The following CCDC73 variants were observed in gnomAD, a reference collection of about 807,000 sequenced individuals.
The protein encoded by CCDC73 is coiled-coil domain-containing protein 73.
A neutral mutation model predicts 116.5 loss-of-function variants in CCDC73; 95 were observed. The observed-to-expected ratio is 0.82, with a 90% CI of 0.69 to 0.97. The LOEUF (loss-of-function observed/expected upper bound fraction) is 0.97. Among genes scored for constraint, CCDC73 ranks in the 50% least tolerant of loss-of-function variants. CCDC73 has a pLI of 0.00. For missense variants in CCDC73, 1,066 were observed against 1,206.8 expected (o/e 0.88, Z 1.73); for synonymous variants, 398 against 401.3 (o/e 0.99, Z 0.10).
chr11:32,632,925 A>C (rs1315900070), intron 14 of CCDC73, among the ~76,000 whole-genome samples: 3 of 152,228 alleles, frequency 2.0e-5, no homozygotes, highest in Non-Finnish European at 4.4e-5. Flanking sequence ...AAGCTTAAGC[A>C]GCTAGAAGAA....
At chr11:32,717,924 C>A (rs1849959516) in intron 3 of CCDC73, 152 bp downstream of exon 3, 1 of 519,766 alleles carries the variant, frequency 1.9e-6, no homozygotes, top group Non-Finnish European at 3.3e-6. Context: ...ACCATTAGAT[C>A]TCATGAGAAC....
intron 12 of CCDC73, among the ~76,000 whole-genome samples, chr11:32,644,417 G>A (rs556205508): frequency 2.0e-5 from 3 of 151,810 alleles, no homozygotes; most frequent in Admixed American, 1.3e-4. Context: ...CCAAACCTAT[G>A]TGAGACTCAA....
chr11:32,653,921 C>A, intron 11 of CCDC73, 57 bp downstream of exon 11: 1 of 1,553,430 alleles, frequency 6.4e-7, no homozygotes, highest in East Asian at 2.3e-5. Flanking sequence ...TTATTTTTTA[C>A]ATTTTATCTG....
intron 12 of CCDC73, among the ~76,000 whole-genome samples, chr11:32,648,988 C>A (rs956537654): frequency 3.9e-5 from 6 of 152,174 alleles, no homozygotes; most frequent in African/African-American, 1.4e-4. Context: ...TTTGTTAGAT[C>A]AGCTACACTA....
rs149728675 is a variant in CCDC73, at chr11:32,715,557, A to C, written c.207+2519T>G. ...CACCTACATGCCATCATGACTCTTCATCAAGCAGCATAAATCTTGATTGAT... is the reference window on the plus strand; with the variant it reads ...CACCTACATGCCATCATGACTCTTCCTCAAGCAGCATAAATCTTGATTGAT... On this transcript the variant is annotated intron_variant, in intron 3 of 17. Coordinates refer to ENST00000335185, the MANE Select transcript of CCDC73 (RefSeq NM_001008391.4). Among the ~76,000 whole-genome samples the C allele has an allele frequency of 7.2e-5, 11 of 152,116 alleles. 1 individual carries two copies. In the East Asian group the frequency reaches 1.9e-3, roughly 27 times the overall value.
At chr11:32,740,352 C>T (rs1330224457) in intron 2 of CCDC73, among the ~76,000 whole-genome samples, 1 of 151,900 alleles carries the variant, frequency 6.6e-6, no homozygotes, top group South Asian at 2.1e-4. Flanking sequence ...ATACTTTTTA[C>T]TACAGCTTCT....
intron 9 of CCDC73, among the ~76,000 whole-genome samples, chr11:32,658,797 C>T (rs1590574298): frequency 6.6e-6 from 1 of 151,524 alleles, no homozygotes; most frequent in African/African-American, 2.4e-5. Context: ...ATATAATAGA[C>T]TGAACAAAGA....
chr11:32,815,338 C>CT, the CCDC73 span, among the ~76,000 whole-genome samples: 4,879 of 140,684 alleles, frequency 0.035, 238 homozygotes, highest in African/African-American at 0.11. Context: ...ATTATTTTTG[C>CT]TTTTTTTTTT....
intron 1 of CCDC73, among the ~76,000 whole-genome samples, chr11:32,768,852 TAAAA>T: frequency 6.6e-6 from 1 of 151,722 alleles, no homozygotes; most frequent in Non-Finnish European, 1.5e-5. Flanking sequence ...CTCAAAAAAA[TAAAA>T]GAAAGAAAAG....
intron 12 of CCDC73, among the ~76,000 whole-genome samples, chr11:32,648,754 T>C (rs1738920431): frequency 6.6e-6 from 1 of 152,222 alleles, no homozygotes; most frequent in Admixed American, 6.5e-5. Flanking sequence ...TTTCACCATG[T>C]TGGTCAGGCT....
intron 2 of CCDC73, among the ~76,000 whole-genome samples, chr11:32,746,960 T>C (rs1850244603): frequency 6.6e-6 from 1 of 152,216 alleles, no homozygotes; most frequent in South Asian, 2.1e-4. Flanking sequence ...TCCAGTTTTT[T>C]TCCCTTGCTG....
chr11:32,656,369 G>T (rs1039612172), intron 9 of CCDC73, among the ~76,000 whole-genome samples: 1 of 151,936 alleles, frequency 6.6e-6, no homozygotes, highest in Admixed American at 6.6e-5. Flanking sequence ...GTGAGCCACC[G>T]CGCCCGGCCA....
chr11:32,745,926 T>C (rs892192003), intron 2 of CCDC73, among the ~76,000 whole-genome samples: 3 of 152,162 alleles, frequency 2.0e-5, no homozygotes, highest in African/African-American at 7.2e-5. Context: ...CCCATTTACA[T>C]TTAAGGTTAA....
chr11:32,648,097 G>A (rs1855794391), intron 12 of CCDC73, among the ~76,000 whole-genome samples: 1 of 152,164 alleles, frequency 6.6e-6, no homozygotes. Flanking sequence ...TGGGCAGGGT[G>A]GGAAAGAAAA....
upstream of CCDC73, among the ~76,000 whole-genome samples, chr11:32,796,106 T>C (rs1002213329): frequency 2.0e-5 from 3 of 152,204 alleles, no homozygotes; most frequent in Admixed American, 2.0e-4. Flanking sequence ...AAAGCATTCC[T>C]AACTACCCCA....
At chr11:32,733,768 C>T (rs56246854) in intron 2 of CCDC73, among the ~76,000 whole-genome samples, 30,016 of 152,060 alleles carry the variant, frequency 0.2, 4,061 homozygotes, top group East Asian at 0.66. Flanking sequence ...ACATTTAAAG[C>T]AGTGTGTAGA....
intron 14 of CCDC73, among the ~76,000 whole-genome samples, chr11:32,628,198 AG>A (rs1436277973): frequency 6.6e-6 from 1 of 152,196 alleles, no homozygotes; most frequent in Non-Finnish European, 1.5e-5. Flanking sequence ...TCTGAGAGAA[AG>A]AGGAAAAAGT....
chr11:32,658,464 G>A (rs998985551), intron 9 of CCDC73, among the ~76,000 whole-genome samples: 1 of 152,152 alleles, frequency 6.6e-6, no homozygotes, highest in African/African-American at 2.4e-5. Context: ...TTGTTAAGAA[G>A]CAATAACAAA....
rs1856168725 is a variant in CCDC73 at position 32,683,677 on chromosome 11, T to C, written c.391-103A>G. 9 of 654,526 alleles carry C rather than the reference T, an allele frequency of 1.4e-5. No individual in the cohort carries two copies. The South Asian group carries it at 1.6e-4, about 12-fold the overall frequency. The allele number at this position is 654,526 out of a possible 1,614,324, so 40.5% of individuals were successfully genotyped here. ...GCTATAAAATGTGGCATGTATCTTC[T>C]ATGTACCATTATTGATTTATTCAAC... On this transcript the variant is annotated intron_variant, in intron 6 of 17. Coordinates refer to ENST00000335185, the MANE Select transcript of CCDC73 (RefSeq NM_001008391.4).
Sources: gnomAD v4.1 joint callset for allele counts (sites outside exome capture counted in the v4.1 genomes callset) on GRCh38, gnomAD v4.1.1 for gene constraint, MANE v1.5 for transcripts, NCBI Gene and HGNC (gene_info 2026-07-23, HGNC 2026-07-21) for gene names.